Variants in UNC13C observed in about 807,000 individuals in gnomAD.
UNC13C encodes unc-13 homolog C, also known as protein unc-13 homolog C.
Under a neutral mutation model 245.4 loss-of-function variants are expected in UNC13C, and 174 were observed. That is an observed-to-expected ratio of 0.71 (90% CI 0.63 to 0.80). UNC13C has a LOEUF of 0.80. Ranked by LOEUF, UNC13C falls within the 30% of genes least tolerant of loss-of-function variation. UNC13C has a pLI of 0.00. For missense variants in UNC13C, 2,829 were observed against 2,602.9 expected, an observed-to-expected ratio of 1.09 and a Z score of -1.89; for synonymous variants, 992 against 895.1, an observed-to-expected ratio of 1.11 and a Z score of -1.93.
the UNC13C span, among the ~76,000 whole-genome samples, chr15:53,884,961 A>G: frequency 6.6e-6 from 1 of 152,256 alleles, no homozygotes; most frequent in African/African-American, 2.4e-5. Context: ...AGGATTTTAC[A>G]GAACAGTGAA....
the UNC13C span, among the ~76,000 whole-genome samples, chr15:53,895,326 A>T: frequency 1.4e-5 from 2 of 146,138 alleles, no homozygotes. Context: ...AGCCTGGGTG[A>T]CAGAGTGAGA....
chr15:54,065,564 C>T (rs1424577358), intron 2 of UNC13C, among the ~76,000 whole-genome samples: 2 of 152,218 alleles, frequency 1.3e-5, no homozygotes, highest in African/African-American at 2.4e-5. Flanking sequence ...TTTTTGCCTA[C>T]ATCACAGCTC....
intron 17 of UNC13C, among the ~76,000 whole-genome samples, chr15:54,360,781 C>T (rs924855782): frequency 6.6e-6 from 1 of 152,006 alleles, no homozygotes; most frequent in African/African-American, 2.4e-5. Flanking sequence ...TTATTTTTCC[C>T]ATCAGCACTT....
intron 19 of UNC13C, among the ~76,000 whole-genome samples, chr15:54,459,963 A>G (rs1210869193): frequency 1.3e-5 from 2 of 152,160 alleles, no homozygotes; most frequent in Non-Finnish European, 1.5e-5. Context: ...TCTGAGTGTT[A>G]TAGAACCATG....
chr15:54,617,127 A>G (rs1302045299), intron 30 of UNC13C, among the ~76,000 whole-genome samples: 1 of 152,006 alleles, frequency 6.6e-6, no homozygotes, highest in Non-Finnish European at 1.5e-5. Flanking sequence ...CACCTAACAC[A>G]TTTTTCAGAA....
At chr15:54,548,652 A>G (rs2141179999) in intron 27 of UNC13C, among the ~76,000 whole-genome samples, 1 of 152,160 alleles carries the variant, frequency 6.6e-6, no homozygotes, top group East Asian at 1.9e-4. Flanking sequence ...TTTAGTGTGC[A>G]ATTTTGTAGA....
At chr15:54,220,338 T>C (rs1320372556) in intron 4 of UNC13C, among the ~76,000 whole-genome samples, 4 of 149,082 alleles carry the variant, frequency 2.7e-5, no homozygotes, top group Non-Finnish European at 4.4e-5. Context: ...CAGTAAACTA[T>C]GGCAAGGACA....
At chr15:54,037,597 A>G (rs996420535) in intron 2 of UNC13C, among the ~76,000 whole-genome samples, 2 of 152,160 alleles carry the variant, frequency 1.3e-5, no homozygotes, top group Non-Finnish European at 2.9e-5. Flanking sequence ...GCTAGTATCT[A>G]TATACATTTG....
At chr15:54,449,258 G>A (rs1159175202) in intron 19 of UNC13C, among the ~76,000 whole-genome samples, 1 of 152,080 alleles carries the variant, frequency 6.6e-6, no homozygotes, top group Non-Finnish European at 1.5e-5. Flanking sequence ...GTGTCTTGGA[G>A]TTGCTCTTCT....
the UNC13C span, among the ~76,000 whole-genome samples, chr15:53,932,942 A>G: frequency 3.9e-5 from 6 of 152,200 alleles, no homozygotes; most frequent in African/African-American, 9.6e-5. Flanking sequence ...CCAAACCTCC[A>G]TTCCTAAGCT....
At chr15:54,573,421 AC>A (rs1184052285) in intron 30 of UNC13C, among the ~76,000 whole-genome samples, 1 of 152,256 alleles carries the variant, frequency 6.6e-6, no homozygotes, top group Middle Eastern at 3.2e-3. Flanking sequence ...TGGAAAATAA[AC>A]AAATCCAAAA....
At chr15:53,857,306 A>C in the UNC13C span, among the ~76,000 whole-genome samples, 1 of 152,178 alleles carries the variant, frequency 6.6e-6, no homozygotes, top group African/African-American at 2.4e-5. Flanking sequence ...TACTTTTCAT[A>C]ACCCAAATTT....
At chr15:54,384,777 A>G (rs987273071) in intron 17 of UNC13C, among the ~76,000 whole-genome samples, 2 of 152,150 alleles carry the variant, frequency 1.3e-5, no homozygotes, top group Non-Finnish European at 2.9e-5. Context: ...CAGGGCACTA[A>G]TATCTGGAAT....
chr15:53,931,222 G>A, the UNC13C span, among the ~76,000 whole-genome samples: 4 of 152,074 alleles, frequency 2.6e-5, no homozygotes, highest in Non-Finnish European at 5.9e-5. Context: ...AGGCTGGAGT[G>A]CAGTGGCACG....
At chr15:53,919,620 C>CT in the UNC13C span, among the ~76,000 whole-genome samples, 820 of 152,034 alleles carry the variant, frequency 5.4e-3, 4 homozygotes, top group Non-Finnish European at 9.1e-3. Flanking sequence ...CTGACACAAT[C>CT]TTTTTTTTGG....
intron 18 of UNC13C, among the ~76,000 whole-genome samples, chr15:54,412,743 G>T (rs1458513986): frequency 1.3e-5 from 2 of 152,098 alleles, no homozygotes; most frequent in African/African-American, 4.8e-5. Context: ...TCTGTGAAAA[G>T]TCTTATTTCT....
At chr15:54,136,991 C>G (rs563165731) in intron 2 of UNC13C, among the ~76,000 whole-genome samples, 5 of 152,166 alleles carry the variant, frequency 3.3e-5, no homozygotes, top group African/African-American at 1.2e-4. Context: ...TGTACACCAC[C>G]ATGCTTGGCT....
At chr15:54,236,038 T>A (rs2035690654) in intron 5 of UNC13C, among the ~76,000 whole-genome samples, 1 of 150,742 alleles carries the variant, frequency 6.6e-6, no homozygotes, top group South Asian at 2.1e-4. Flanking sequence ...AAAATCATCG[T>A]GAAAAAGTGT....
Position 54,143,619 on chromosome 15 carries a change from G to C in UNC13C, c.3007-1G>C. ...TGTTTTTCTCTTACTCTTCATTTAA[G>C]GCTCGAATAGTAAGTGGCAATGATT... On this transcript the variant is annotated splice_acceptor_variant, in intron 3 of 32. Transcript: ENST00000260323. LOFTEE classifies it high-confidence loss of function. The C allele has an allele frequency of 6.2e-7, 1 of 1,612,636 alleles. No homozygotes were observed. Among genetic ancestry groups the C allele is most frequent in the Non-Finnish European group, 8.5e-7 (1 of 1,179,000 alleles).
Sources: allele counts gnomAD v4.1 joint callset (sites outside exome capture counted in the v4.1 genomes callset), GRCh38; gene constraint gnomAD v4.1.1; transcripts MANE v1.5; gene names NCBI Gene and HGNC (gene_info 2026-07-23, HGNC 2026-07-21).